CCDC39: variants seen among roughly 807,000 people sequenced by gnomAD.
CCDC39 encodes coiled-coil domain-containing protein 39.
A neutral mutation model predicts 121.0 loss-of-function variants in CCDC39; 113 were observed. That is an observed-to-expected ratio of 0.93 (90% CI 0.80 to 1.09). The LOEUF (loss-of-function observed/expected upper bound fraction) is 1.09, where lower values mean the gene tolerates loss of function less well. Among genes scored for constraint, CCDC39 ranks in the 50% least tolerant of loss-of-function variants. The probability of loss-of-function intolerance (pLI) is 0.00; values close to 1 mark genes in which losing one functional copy is unlikely to be tolerated. For missense variants in CCDC39, 1,063 were observed against 1,074.7 expected (o/e 0.99, Z 0.15); for synonymous variants, 349 against 352.2 (o/e 0.99, Z 0.10).
intron 1 of CCDC39, among the ~76,000 whole-genome samples, chr3:180,678,868 T>A (rs190290935): frequency 6.6e-6 from 1 of 152,260 alleles, no homozygotes; most frequent in East Asian, 1.9e-4. Flanking sequence ...CAAAGAAATA[T>A]GAACCTTCTG....
intron 1 of CCDC39, among the ~76,000 whole-genome samples, chr3:180,670,493 C>T (rs983509326): frequency 2.0e-5 from 3 of 152,032 alleles, no homozygotes; most frequent in Non-Finnish European, 2.9e-5. Context: ...TTTGGTTAAA[C>T]CAATACTTTA....
chr3:180,658,452 G>A (rs1404234755), intron 6 of CCDC39, among the ~76,000 whole-genome samples: 1 of 151,682 alleles, frequency 6.6e-6, no homozygotes, highest in East Asian at 1.9e-4. Context: ...AAAAAAATTA[G>A]CCAGGCATGG....
intron 14 of CCDC39, among the ~76,000 whole-genome samples, chr3:180,629,583 G>C (rs891141778): frequency 1.3e-5 from 2 of 152,024 alleles, no homozygotes; most frequent in African/African-American, 4.8e-5. Context: ...CTATTTTTCA[G>C]GCCATAATTT....
rs781526810 is a variant in CCDC39, at chr3:180,616,593, CTT to C, written c.2507_2508del (p.Lys836SerfsTer3). ...IKLREMKQFH[K>X]VIDEMLVDII... is the part of the protein sequence containing the mutation. ...ATATCAACTAACATTTCATCAATAA[CTT>C]TGTGAAACTGTTTCATTTCACGAAG... is the stretch of plus-strand genomic sequence containing the variant. On this transcript the variant is annotated frameshift_variant, in exon 18 of 20. Transcript: ENST00000476379. LOFTEE classifies it high-confidence loss of function. 6.2e-6 allele frequency: 10 copies of C among 1,600,042 alleles called. No individual in the cohort carries two copies. Among genetic ancestry groups the C allele is most frequent in the South Asian group, 4.5e-5 (4 of 88,360 alleles).
intron 19 of CCDC39, among the ~76,000 whole-genome samples, chr3:180,615,548 A>T (rs113107657): frequency 6.6e-6 from 1 of 152,202 alleles, no homozygotes; most frequent in Admixed American, 6.5e-5. Context: ...AGTTTTAAAT[A>T]TATATTTTAT....
At chr3:180,669,350 T>C (rs4125978) in intron 1 of CCDC39, among the ~76,000 whole-genome samples, 99 of 152,292 alleles carry the variant, frequency 6.5e-4, no homozygotes, top group East Asian at 6.0e-3. Context: ...GGAATTGAGT[T>C]GTCAAGTGTT....
chr3:180,664,301 C>T (rs1711817483), intron 1 of CCDC39, among the ~76,000 whole-genome samples: 1 of 152,140 alleles, frequency 6.6e-6, no homozygotes, highest in Admixed American at 6.5e-5. Context: ...GATCATCTCC[C>T]TCTTGTCTTT....
chr3:180,665,893 C>T (rs565286705), intron 1 of CCDC39, among the ~76,000 whole-genome samples: 2 of 151,988 alleles, frequency 1.3e-5, no homozygotes, highest in Non-Finnish European at 2.9e-5. Context: ...ATTGGCTTAT[C>T]ATCAAATAAT....
At chr3:180,674,941 CTT>C (rs1397954720) in intron 1 of CCDC39, among the ~76,000 whole-genome samples, 1 of 152,102 alleles carries the variant, frequency 6.6e-6, no homozygotes, top group Non-Finnish European at 1.5e-5. Context: ...TAAAAATTCT[CTT>C]TTTTTGTTGT....
chr3:180,636,203 C>A (rs1169465611), intron 13 of CCDC39, among the ~76,000 whole-genome samples: 1 of 152,116 alleles, frequency 6.6e-6, no homozygotes, highest in Non-Finnish European at 1.5e-5. Flanking sequence ...ATCTAGAAAA[C>A]CCCATAGTCT....
chr3:180,642,962 A>ATT (rs111261462), intron 12 of CCDC39, among the ~76,000 whole-genome samples: 131 of 145,378 alleles, frequency 9.0e-4, no homozygotes, highest in African/African-American at 2.0e-3. Context: ...GACAGAGATA[A>ATT]TTTTTTTTTT....
At chr3:180,671,476 GCTCACC>G (rs1560095494) in intron 1 of CCDC39, among the ~76,000 whole-genome samples, 1 of 152,100 alleles carries the variant, frequency 6.6e-6, no homozygotes, top group Non-Finnish European at 1.5e-5. Flanking sequence ...AACACCACTG[GCTCACC>G]CTTGAATTAT....
Sources: gnomAD v4.1 joint callset for allele counts (sites outside exome capture counted in the v4.1 genomes callset) on GRCh38, gnomAD v4.1.1 for gene constraint, MANE v1.5 for transcripts, NCBI Gene and HGNC (gene_info 2026-07-23, HGNC 2026-07-21) for gene names.